The following TMEM217B variants were observed in gnomAD, a reference collection of about 807,000 sequenced individuals.
TMEM217B encodes putative transmembrane protein 217B.
the TMEM217B span, among the ~76,000 whole-genome samples, chr6:37,231,431 T>C: frequency 6.7e-6 from 1 of 150,304 alleles, no homozygotes; most frequent in Non-Finnish European, 1.5e-5. Flanking sequence ...TCCCAGCACT[T>C]TGGGAGGCCG....
chr6:37,223,840 A>G, the TMEM217B span, among the ~76,000 whole-genome samples: 1 of 151,710 alleles, frequency 6.6e-6, no homozygotes, highest in African/African-American at 2.4e-5. Context: ...ATTTATAGAG[A>G]TGGAGTCTTG....
chr6:37,224,615 G>GAAA, the TMEM217B span, among the ~76,000 whole-genome samples: 3 of 149,440 alleles, frequency 2.0e-5, no homozygotes, highest in Non-Finnish European at 1.5e-5. Flanking sequence ...ACAAACAAAC[G>GAAA]AAAAAAAAAC....
the TMEM217B span, chr6:37,212,753 A>C: frequency 1.5e-6 from 1 of 686,540 alleles, no homozygotes. Flanking sequence ...TAAAAGAGGA[A>C]GCAGCCGATG....
At chr6:37,249,273 T>C in the TMEM217B span, among the ~76,000 whole-genome samples, 1 of 152,208 alleles carries the variant, frequency 6.6e-6, no homozygotes, top group African/African-American at 2.4e-5. Context: ...TTTATGGCAA[T>C]AGAAAGGAAG....
chr6:37,218,684 T>A, the TMEM217B span: 1 of 1,614,158 alleles, frequency 6.2e-7, no homozygotes, highest in Non-Finnish European at 8.5e-7. Context: ...AAAGTCATTG[T>A]TGGTGAGGAT....
At chr6:37,218,811 T>C in the TMEM217B span, 1 of 1,614,088 alleles carries the variant, frequency 6.2e-7, no homozygotes, top group African/African-American at 1.3e-5. Context: ...AGGATGGTGA[T>C]GAAAGACAGG....
the TMEM217B span, among the ~76,000 whole-genome samples, chr6:37,238,794 T>A: frequency 6.6e-6 from 1 of 152,220 alleles, no homozygotes; most frequent in Non-Finnish European, 1.5e-5. Flanking sequence ...TGGTTACTCT[T>A]GAGGTTGAGT....
the TMEM217B span, among the ~76,000 whole-genome samples, chr6:37,236,868 C>A: frequency 6.6e-6 from 1 of 152,140 alleles, no homozygotes; most frequent in African/African-American, 2.4e-5. Context: ...GTAGCCTCTC[C>A]TAGAAGACTC....
At chr6:37,217,460 T>C in the TMEM217B span, among the ~76,000 whole-genome samples, 1 of 152,242 alleles carries the variant, frequency 6.6e-6, no homozygotes, top group East Asian at 1.9e-4. Flanking sequence ...TAGTCATTCA[T>C]ATCTTACACA....
chr6:37,240,368 G>A, the TMEM217B span, among the ~76,000 whole-genome samples: 1 of 152,112 alleles, frequency 6.6e-6, no homozygotes, highest in Non-Finnish European at 1.5e-5. Flanking sequence ...TCTGACTGTT[G>A]GCAGGAAGCC....
the TMEM217B span, among the ~76,000 whole-genome samples, chr6:37,254,379 A>G: frequency 6.6e-6 from 1 of 152,150 alleles, no homozygotes; most frequent in African/African-American, 2.4e-5. Flanking sequence ...TGGCTGCCAT[A>G]CCTATCAGCC....
the TMEM217B span, among the ~76,000 whole-genome samples, chr6:37,226,210 T>G: frequency 6.6e-6 from 1 of 151,786 alleles, no homozygotes; most frequent in Non-Finnish European, 1.5e-5. Context: ...AAGAGATATC[T>G]CCCCTTTATC....
chr6:37,218,055 C>T, the TMEM217B span: 1 of 1,001,342 alleles, frequency 1.0e-6, no homozygotes, highest in Non-Finnish European at 1.2e-6. Flanking sequence ...AACTGCTAAG[C>T]AAAAGTGGGG....
chr6:37,213,038 A>T, the TMEM217B span: 24 of 1,352,378 alleles, frequency 1.8e-5, no homozygotes, highest in Admixed American at 1.1e-4. Flanking sequence ...AAGATGGCAG[A>T]GGTAGCCTTA....
the TMEM217B span, among the ~76,000 whole-genome samples, chr6:37,236,635 C>T: frequency 3.3e-5 from 5 of 150,786 alleles, no homozygotes; most frequent in African/African-American, 1.2e-4. Context: ...TCAGTTTGCT[C>T]ATCTTTAAAT....
At chr6:37,231,074 C>A in the TMEM217B span, among the ~76,000 whole-genome samples, 3 of 151,538 alleles carry the variant, frequency 2.0e-5, no homozygotes, top group African/African-American at 7.3e-5. Flanking sequence ...TATTTATTTT[C>A]TTTTTGAGAT....
At chr6:37,242,559 C>T in the TMEM217B span, among the ~76,000 whole-genome samples, 3 of 152,146 alleles carry the variant, frequency 2.0e-5, no homozygotes, top group Non-Finnish European at 4.4e-5. Flanking sequence ...AGCTGACAAA[C>T]AGGGAAACCA....
At chr6:37,222,509 C>T in the TMEM217B span, among the ~76,000 whole-genome samples, 1 of 152,192 alleles carries the variant, frequency 6.6e-6, no homozygotes, top group Admixed American at 6.5e-5. Context: ...GGAGGTCCCG[C>T]CCCGCTAACT....
the TMEM217B span, among the ~76,000 whole-genome samples, chr6:37,254,373 TG>T: frequency 6.6e-5 from 10 of 152,216 alleles, no homozygotes; most frequent in Non-Finnish European, 1.5e-4. Flanking sequence ...CAAGGGTGGC[TG>T]CCATACCTAT....
Sources: gnomAD v4.1 joint callset for allele counts (sites outside exome capture counted in the v4.1 genomes callset) on GRCh38, gnomAD v4.1.1 for gene constraint, MANE v1.5 for transcripts, NCBI Gene and HGNC (gene_info 2026-07-23, HGNC 2026-07-21) for gene names.